TCEANC2: variants seen among roughly 807,000 people sequenced by gnomAD.
The protein encoded by TCEANC2 is transcription elongation factor A N-terminal and central domain containing 2.
A neutral mutation model predicts 22.8 loss-of-function variants in TCEANC2; 20 were observed. The ratio of observed to expected loss-of-function variants is 0.88; its 90% CI spans 0.62 to 1.28. The LOEUF (loss-of-function observed/expected upper bound fraction) is 1.28, where lower values mean the gene tolerates loss of function less well. Ranked by LOEUF, TCEANC2 falls within the 50% of genes most tolerant of loss-of-function variation. The probability of loss-of-function intolerance (pLI) is 0.00; values close to 1 mark genes in which losing one functional copy is unlikely to be tolerated. For synonymous variants in TCEANC2, 84 were observed against 95.5 expected, an observed-to-expected ratio of 0.88 and a Z score of 0.70; for missense variants, 251 against 249.7, an observed-to-expected ratio of 1.01 and a Z score of -0.03.
At chr1:54,092,429 G>C (rs146106274) in intron 4 of TCEANC2, among the ~76,000 whole-genome samples, 2 of 152,170 alleles carry the variant, frequency 1.3e-5, no homozygotes, top group African/African-American at 4.8e-5. Context: ...TGTAAGAGGT[G>C]TAGGATTTTG....
At chr1:54,054,799 G>A (rs1021357684) in intron 2 of TCEANC2, among the ~76,000 whole-genome samples, 1 of 152,200 alleles carries the variant, frequency 6.6e-6, no homozygotes, top group African/African-American at 2.4e-5. Context: ...TTTGCAAAAT[G>A]TAGTCTGTTA....
intron 2 of TCEANC2, among the ~76,000 whole-genome samples, chr1:54,066,794 T>G (rs1041942071): frequency 2.0e-5 from 3 of 152,246 alleles, no homozygotes; most frequent in African/African-American, 7.2e-5. Context: ...TCATACAGTT[T>G]AACACTAATA....
chr1:54,080,845 T>C (rs2100373735), intron 3 of TCEANC2, among the ~76,000 whole-genome samples: 1 of 152,360 alleles, frequency 6.6e-6, no homozygotes, highest in African/African-American at 2.4e-5. Context: ...CCAGTGGCAC[T>C]GCTTACTTTA....
At chr1:54,072,593 C>T (rs1026597064) in intron 3 of TCEANC2, among the ~76,000 whole-genome samples, 4 of 152,066 alleles carry the variant, frequency 2.6e-5, no homozygotes, top group African/African-American at 7.2e-5. Context: ...GACGGGGTTT[C>T]ACCATGTTGG....
Position 54,103,521 on chromosome 1 carries a change from C to T in TCEANC2, c.*7048C>T, listed in dbSNP as rs1658696559. The T allele has an allele frequency of 6.6e-6, 1 of 152,220 alleles. No homozygotes were observed. Among genetic ancestry groups the T allele is most frequent in the Non-Finnish European group, 1.5e-5 (1 of 68,052 alleles). The allele number at this position is 152,220 out of a possible 1,614,324, so 9.4% of individuals were successfully genotyped here. A position where few individuals can be genotyped will look rare whatever the true frequency, so the allele number is the denominator to read the frequency against. Reference sequence around the variant, plus strand: ...GCTCCGTGATCCAATCACTTCCCACCATGTCCCTCCCTCAACACGTGGGGA... The same window carrying T: ...GCTCCGTGATCCAATCACTTCCCACTATGTCCCTCCCTCAACACGTGGGGA... On this transcript the variant is annotated 3_prime_UTR_variant, in exon 5 of 5. Coordinates refer to ENST00000234827, the MANE Select transcript of TCEANC2 (RefSeq NM_153035.3).
rs1020094165 is a variant in TCEANC2, at chr1:54,075,687, T to C, written c.244+6790T>C. Among the ~76,000 whole-genome samples the C allele has an allele frequency of 4.4e-4, 67 of 152,292 alleles. 1 individual carries two copies. Among genetic ancestry groups the C allele is most frequent in the African/African-American group, 1.5e-3 (64 of 41,562 alleles). On this transcript the variant is annotated intron_variant, in intron 3 of 4. Transcript: ENST00000234827. ...CTTTAGAGGTTTTCAGTATACTTTG[T>C]CATTTAATAGGCTAGATGAAATCCT...
chr1:54,080,246 C>T (rs1415868102), intron 3 of TCEANC2, among the ~76,000 whole-genome samples: 2 of 151,336 alleles, frequency 1.3e-5, no homozygotes, highest in African/African-American at 2.4e-5. Context: ...TGGGTTCAGG[C>T]GATTCTCGTG....
exon 5 of TCEANC2, chr1:54,111,122 G>A (rs1017457221): frequency 1.3e-5 from 2 of 152,194 alleles, no homozygotes; most frequent in Non-Finnish European, 2.9e-5. Flanking sequence ...CATAGGGCTT[G>A]GCCCCATGCA....
chr1:54,092,098 G>A (rs1331845260), intron 4 of TCEANC2, among the ~76,000 whole-genome samples: 2 of 152,344 alleles, frequency 1.3e-5, no homozygotes, highest in African/African-American at 2.4e-5. Flanking sequence ...TCAAAAAGAA[G>A]TGTGGGTAGA....
At chr1:54,079,379 A>G (rs374177365) in intron 3 of TCEANC2, among the ~76,000 whole-genome samples, 5 of 152,348 alleles carry the variant, frequency 3.3e-5, no homozygotes, top group Non-Finnish European at 5.9e-5. Flanking sequence ...ATAATAAATG[A>G]CAAAGCTAAA....
chr1:54,086,316 A>G (rs928178341), intron 3 of TCEANC2, among the ~76,000 whole-genome samples: 4 of 152,188 alleles, frequency 2.6e-5, no homozygotes, highest in Non-Finnish European at 4.4e-5. Context: ...CTGATCAAAT[A>G]ATTACAACTA....
intron 4 of TCEANC2, among the ~76,000 whole-genome samples, chr1:54,094,829 G>A (rs1028253761): frequency 6.6e-6 from 1 of 152,224 alleles, no homozygotes; most frequent in Non-Finnish European, 1.5e-5. Context: ...TTTCTACTAG[G>A]AGAGACAAAC....
At chr1:54,057,261 A>G (rs1465569255) in intron 2 of TCEANC2, among the ~76,000 whole-genome samples, 1 of 132,258 alleles carries the variant, frequency 7.6e-6, no homozygotes, top group East Asian at 2.1e-4. Context: ...TCGCTCTGTC[A>G]CCCAGGCTGG....
At chr1:54,110,074 C>G (rs1266166943), downstream of TCEANC2, among the ~76,000 whole-genome samples, 2 of 152,178 alleles carry the variant, frequency 1.3e-5, no homozygotes, top group East Asian at 3.9e-4. Context: ...AAGCCCCAAC[C>G]ACCAGGTAGT....
At chr1:54,087,153 T>A (rs911741401) in intron 3 of TCEANC2, among the ~76,000 whole-genome samples, 3 of 152,210 alleles carry the variant, frequency 2.0e-5, no homozygotes, top group African/African-American at 4.8e-5. Context: ...AAATAAAAAA[T>A]TAAAAAATAT....
exon 5 of TCEANC2, chr1:54,111,650 A>G (rs1306928172): frequency 1.3e-5 from 2 of 152,234 alleles, no homozygotes; most frequent in Non-Finnish European, 2.9e-5. Context: ...GCCATCACAC[A>G]GCTCTCCCAT....
intron 3 of TCEANC2, among the ~76,000 whole-genome samples, chr1:54,087,736 A>G (rs1371880482): frequency 2.0e-5 from 3 of 152,226 alleles, no homozygotes; most frequent in African/African-American, 7.2e-5. Flanking sequence ...CCCTAACCCT[A>G]GCCCCTTTTC....
rs1206533741 is a variant in TCEANC2, at chr1:54,102,803, G to GGCT, written c.*6333_*6335dup. 1 of 152,358 alleles carries GGCT rather than the reference G, an allele frequency of 6.6e-6. No homozygotes were observed. Among genetic ancestry groups the GGCT allele is most frequent in the Non-Finnish European group, 1.5e-5 (1 of 68,124 alleles). The allele number at this position is 152,358 out of a possible 1,614,324, so 9.4% of individuals were successfully genotyped here. On this transcript the variant is annotated 3_prime_UTR_variant, in exon 5 of 5. Coordinates refer to ENST00000234827, the MANE Select transcript of TCEANC2 (RefSeq NM_153035.3). ...TGTGAGCAAGACAAAAAAAGACCGT[G>GGCT]GCTGCACTGCAGCCCCACACAGGGG...
intron 3 of TCEANC2, among the ~76,000 whole-genome samples, chr1:54,083,503 A>C (rs571894082): frequency 9.2e-5 from 14 of 152,350 alleles, no homozygotes; most frequent in Non-Finnish European, 1.9e-4. Context: ...GATGCCACAG[A>C]GAGGCCAAGT....
Sources: allele counts gnomAD v4.1 joint callset (sites outside exome capture counted in the v4.1 genomes callset), GRCh38; gene constraint gnomAD v4.1.1; transcripts MANE v1.5; gene names NCBI Gene and HGNC (gene_info 2026-07-23, HGNC 2026-07-21).